The following DNER variants were observed in gnomAD, a reference collection of about 807,000 sequenced individuals.
The protein encoded by DNER is delta and Notch-like epidermal growth factor-related receptor.
A neutral mutation model predicts 78.2 loss-of-function variants in DNER; 33 were observed. The ratio of observed to expected loss-of-function variants is 0.42; its 90% CI spans 0.32 to 0.56. The LOEUF is 0.56. DNER is among the 20% of genes least tolerant of loss of function. The pLI is 0.11. For synonymous variants in DNER, 417 were observed against 384.8 expected (o/e 1.08, Z -0.98); for missense variants, 918 against 975.3 (o/e 0.94, Z 0.78).
chr2:229,596,680 G>C (rs930999262), intron 1 of DNER, among the ~76,000 whole-genome samples: 4 of 152,230 alleles, frequency 2.6e-5, no homozygotes, highest in African/African-American at 7.2e-5. Context: ...AGGGGATAAA[G>C]AGCCAGAAAG....
chr2:229,410,231 C>T (rs569789054), intron 9 of DNER, among the ~76,000 whole-genome samples: 1 of 152,346 alleles, frequency 6.6e-6, no homozygotes, highest in East Asian at 1.9e-4. Flanking sequence ...CACCACTGTG[C>T]CTTGAGAGCA....
chr2:229,675,836 G>A (rs1699292707), intron 1 of DNER, among the ~76,000 whole-genome samples: 1 of 152,220 alleles, frequency 6.6e-6, no homozygotes, highest in Non-Finnish European at 1.5e-5. Flanking sequence ...AAATGGGCCA[G>A]TGAGAACCAT....
rs1692175491 is a variant in DNER at position 229,359,909 on chromosome 2, T to TA, written c.2103-1259dup. Among the ~76,000 whole-genome samples, 8 of 152,306 alleles carry TA rather than the reference T, an allele frequency of 5.3e-5. No homozygotes were observed. In the South Asian group the frequency reaches 1.7e-3, roughly 32 times the overall value. On this transcript the variant is annotated intron_variant, in intron 12 of 12. Transcript: ENST00000341772. ...CAGGCAAAACACGGGGTTAAAGAGT[T>TA]AAAGCATTCTACCCTCAGAAAAACC...
chr2:229,613,168 C>G (rs142091375), intron 1 of DNER, among the ~76,000 whole-genome samples: 1 of 152,122 alleles, frequency 6.6e-6, no homozygotes, highest in Non-Finnish European at 1.5e-5. Context: ...TATAGATTAA[C>G]GGCCAGTTCA....
At chr2:229,519,980 T>A (rs1696062083) in intron 5 of DNER, among the ~76,000 whole-genome samples, 2 of 152,162 alleles carry the variant, frequency 1.3e-5, no homozygotes, top group African/African-American at 4.8e-5. Flanking sequence ...AACTATCCTA[T>A]CTGGTGGCTG....
chr2:229,588,157 C>A (rs1250014410), intron 3 of DNER, among the ~76,000 whole-genome samples: 1 of 152,170 alleles, frequency 6.6e-6, no homozygotes, highest in Non-Finnish European at 1.5e-5. Flanking sequence ...TCACCTCACA[C>A]CAGACTCATC....
chr2:229,517,367 G>A (rs1272917300), intron 5 of DNER, among the ~76,000 whole-genome samples: 2 of 152,144 alleles, frequency 1.3e-5, no homozygotes, highest in Non-Finnish European at 2.9e-5. Flanking sequence ...TAAATGGCAT[G>A]GGGAAAAACG....
At chr2:229,568,711 T>C (rs926396641) in intron 4 of DNER, among the ~76,000 whole-genome samples, 1 of 152,142 alleles carries the variant, frequency 6.6e-6, no homozygotes, top group Non-Finnish European at 1.5e-5. Context: ...CTCCAAGCTA[T>C]ACGTTTCCTT....
intron 6 of DNER, among the ~76,000 whole-genome samples, chr2:229,500,635 G>A (rs146657620): frequency 0.015 from 2,226 of 152,282 alleles, 34 homozygotes; most frequent in Middle Eastern, 0.027. Flanking sequence ...TTCAGTCTAA[G>A]TATCCATCAA....
chr2:229,358,670 G>T lies in DNER; in HGVS notation c.2103-19C>A. On this transcript the variant is annotated intron_variant, in intron 12 of 12. Coordinates refer to ENST00000341772, the MANE Select transcript of DNER (RefSeq NM_139072.4). ...TCCAAACCTGAAATCAGAGAGAAAG[G>T]ACTCTGGTTAGATAAATACTAGATC... The T allele has an allele frequency of 6.2e-7, 1 of 1,600,144 alleles. No individual in the cohort carries two copies. Among genetic ancestry groups the T allele is most frequent in the Non-Finnish European group, 8.6e-7 (1 of 1,169,538 alleles).
At chr2:229,415,061 C>G (rs946966425) in intron 9 of DNER, among the ~76,000 whole-genome samples, 5 of 152,074 alleles carry the variant, frequency 3.3e-5, no homozygotes, top group Non-Finnish European at 7.4e-5. Context: ...ACTCAGGAGG[C>G]TGAGGCAGGA....
intron 1 of DNER, among the ~76,000 whole-genome samples, chr2:229,592,596 T>G (rs1408673518): frequency 6.6e-6 from 1 of 152,056 alleles, no homozygotes; most frequent in Non-Finnish European, 1.5e-5. Flanking sequence ...CATATGTGTT[T>G]CAATTATGCT....
At chr2:229,605,704 A>G (rs1697921589) in intron 1 of DNER, among the ~76,000 whole-genome samples, 1 of 143,152 alleles carries the variant, frequency 7.0e-6, no homozygotes, top group Admixed American at 7.1e-5. Context: ...CCTGGGCAAC[A>G]TGGCGAAACC....
intron 1 of DNER, among the ~76,000 whole-genome samples, chr2:229,616,498 C>T (rs1698165486): frequency 6.6e-6 from 1 of 152,186 alleles, no homozygotes; most frequent in Non-Finnish European, 1.5e-5. Context: ...TACACGTTTT[C>T]TCAGCCAACT....
At chr2:229,554,341 C>T (rs11694957) in intron 4 of DNER, among the ~76,000 whole-genome samples, 39,041 of 152,022 alleles carry the variant, frequency 0.26, 5,646 homozygotes, top group East Asian at 0.34. Flanking sequence ...GGGGATCACT[C>T]GAGCTTAGGA....
At chr2:229,529,838 T>A (rs964220170) in intron 5 of DNER, among the ~76,000 whole-genome samples, 10 of 152,122 alleles carry the variant, frequency 6.6e-5, no homozygotes, top group African/African-American at 2.4e-4. Flanking sequence ...GGATACCCTG[T>A]CTCTACGAAA....
At chr2:229,458,970 A>G (rs1694634647) in intron 7 of DNER, among the ~76,000 whole-genome samples, 1 of 152,096 alleles carries the variant, frequency 6.6e-6, no homozygotes, top group Admixed American at 6.5e-5. Context: ...TCTATACACT[A>G]GTAATAAGCA....
chr2:229,390,326 T>C (rs1396246109), intron 10 of DNER, among the ~76,000 whole-genome samples: 1 of 152,242 alleles, frequency 6.6e-6, no homozygotes, highest in Non-Finnish European at 1.5e-5. Flanking sequence ...AAGTCCAATG[T>C]CAATGACATA....
chr2:229,544,220 G>A (rs1559162180), intron 5 of DNER, among the ~76,000 whole-genome samples: 2 of 152,024 alleles, frequency 1.3e-5, no homozygotes, highest in South Asian at 2.1e-4. Flanking sequence ...GTTTCTCCTC[G>A]GGAAGAAGAG....
Sources: gnomAD v4.1 joint callset for allele counts (sites outside exome capture counted in the v4.1 genomes callset) on GRCh38, gnomAD v4.1.1 for gene constraint, MANE v1.5 for transcripts, NCBI Gene and HGNC (gene_info 2026-07-23, HGNC 2026-07-21) for gene names.